Variants in ABCA12 observed in about 807,000 individuals in gnomAD.
The protein encoded by ABCA12 is ATP binding cassette subfamily A member 12, also known as glucosylceramide transporter ABCA12.
ABCA12 carries 156 observed loss-of-function variants against 293.5 expected under a neutral mutation model. The observed-to-expected ratio is 0.53, with a 90% CI of 0.47 to 0.61. The LOEUF (loss-of-function observed/expected upper bound fraction) is 0.61. ABCA12 is among the 20% of genes least tolerant of loss of function. ABCA12 has a pLI of 0.00. For synonymous variants in ABCA12, 1,063 were observed against 1,108.0 expected, an observed-to-expected ratio of 0.96 and a Z score of 0.81; for missense variants, 2,797 against 3,090.2, an observed-to-expected ratio of 0.91 and a Z score of 2.25.
intron 2 of ABCA12, among the ~76,000 whole-genome samples, chr2:215,074,394 C>T (rs1390591213): frequency 2.0e-5 from 3 of 152,178 alleles, no homozygotes; most frequent in Non-Finnish European, 4.4e-5. Context: ...CTATCTCAGA[C>T]ATTGCCTGAA....
At chr2:215,000,584 G>T in intron 22 of ABCA12, 121 bp downstream of exon 22, 1 of 1,121,190 alleles carries the variant, frequency 8.9e-7, no homozygotes, top group Non-Finnish European at 1.3e-6. Context: ...CTCAAAACAA[G>T]CATATTACAA....
intron 1 of ABCA12, among the ~76,000 whole-genome samples, chr2:215,117,574 A>G (rs927664055): frequency 6.6e-6 from 1 of 152,228 alleles, no homozygotes; most frequent in Non-Finnish European, 1.5e-5. Context: ...GTTCTAAAAA[A>G]TTTGGGCAAA....
At chr2:215,122,216 C>A (rs1702820676) in intron 1 of ABCA12, among the ~76,000 whole-genome samples, 1 of 152,156 alleles carries the variant, frequency 6.6e-6, no homozygotes, top group African/African-American at 2.4e-5. Flanking sequence ...TGACTACATT[C>A]ATAAAATTTG....
chr2:214,984,868 C>T (rs1699753685), intron 28 of ABCA12, among the ~76,000 whole-genome samples: 1 of 152,186 alleles, frequency 6.6e-6, no homozygotes, highest in Non-Finnish European at 1.5e-5. Context: ...CTTTGGTCAT[C>T]TCTAGTCCTT....
chr2:215,121,569 C>A (rs1420290229), intron 1 of ABCA12, among the ~76,000 whole-genome samples: 1 of 152,070 alleles, frequency 6.6e-6, no homozygotes, highest in East Asian at 1.9e-4. Flanking sequence ...CATGAGGAAC[C>A]TTACTTTCCC....
chr2:215,045,966 C>T lies in ABCA12; in HGVS notation c.743G>A (p.Arg248Lys), dbSNP rs371738215. 4 of 1,613,608 alleles carry T rather than the reference C, an allele frequency of 2.5e-6. No homozygotes were observed. The highest frequency in any genetic ancestry group is 3.4e-6 in the Non-Finnish European group (4 of 1,179,800). ...CACTTGTGAGAAGAAAGACAGCATT[C>T]TGACTATTTCCTGAAACACTATCTT... The part of the protein sequence containing the change: ...NQKIVFQEIV[R>K]MLSFFSQVQE... The change falls in exon 7 of 53, where the codon AGA becomes AAA. Residue 248 changes from arginine (R) to lysine (K), a missense_variant. Coordinates refer to ENST00000272895, the MANE Select transcript of ABCA12 (RefSeq NM_173076.3).
intron 41 of ABCA12, 40 bp downstream of exon 41, chr2:214,958,237 G>C (rs1371737255): frequency 6.2e-7 from 1 of 1,610,874 alleles, no homozygotes; most frequent in African/African-American, 1.3e-5. Context: ...TATCCAAATT[G>C]ATCTTTTATT....
In ABCA12 at chr2:214,975,853, G is replaced by C. The variant is rs761940772; in HGVS notation, c.5313C>G (p.Ser1771Arg). 1.2e-6 allele frequency: 2 copies of C among 1,614,134 alleles called. No homozygotes were observed. Among genetic ancestry groups the C allele is most frequent in the Non-Finnish European group, 1.7e-6 (2 of 1,179,994 alleles). The change falls in exon 34 of 53, where the codon AGC becomes AGG. Residue 1771 changes from serine to arginine, a missense_variant. Around this residue, in one of 3 missense-constraint regions of ABCA12, gnomAD observed 2,130 missense variants for 2,427.0 expected, o/e 0.88. Coordinates refer to ENST00000272895, the MANE Select transcript of ABCA12 (RefSeq NM_173076.3). ...AGATCTGAATCTCTGGATAACTGTT[G>C]CTGGAATTTCTCAGTGTGCCAAGGC... ...AMGLGTLRNS[S>R]NSYPEIQISP...
At chr2:214,965,856 A>G (rs894299976) in intron 39 of ABCA12, among the ~76,000 whole-genome samples, 1 of 152,206 alleles carries the variant, frequency 6.6e-6, no homozygotes, top group Non-Finnish European at 1.5e-5. Flanking sequence ...AGGCAGAAAT[A>G]CCATTTCACC....
chr2:214,942,411 C>T lies in ABCA12; in HGVS notation c.7436+514G>A, dbSNP rs989633213. 3.9e-5 allele frequency among the ~76,000 whole-genome samples: 6 copies of T among 152,262 alleles called. No individual in the cohort carries two copies. The East Asian group carries it at 1.2e-3, about 29-fold the overall frequency. ...AAATGCATATACACTCTGGTGTATA[C>T]AAACTATTAAATTTGATAGTAGTAT... On this transcript the variant is annotated intron_variant, in intron 50 of 52. Transcript: ENST00000272895.
At position 215,018,100 on chromosome 2, in the gene ABCA12, C is replaced by G; in HGVS notation, c.1690G>C (p.Glu564Gln). ...QLLEMFKNVE[E>Q]LKEDLRRTTG... ...GTTCTCCTTAAATCTTCTTTCAGCT[C>G]TTCAACATTTTTAAACATTTCTAGT... Residue 564 changes from glutamate to glutamine, a missense_variant, in exon 14 of 53, where the codon GAG becomes CAG. Transcript: ENST00000272895. 1.2e-6 allele frequency: 2 copies of G among 1,613,832 alleles called. No individual in the cohort carries two copies. Among genetic ancestry groups the G allele is most frequent in the Non-Finnish European group, 1.7e-6 (2 of 1,179,968 alleles).
intron 20 of ABCA12, among the ~76,000 whole-genome samples, chr2:215,002,030 A>G (rs1700157399): frequency 6.6e-6 from 1 of 152,210 alleles, no homozygotes; most frequent in Non-Finnish European, 1.5e-5. Flanking sequence ...TAAGATGAAT[A>G]AATTTTTAAA....
At chr2:215,135,211 G>A (rs149302208) in intron 1 of ABCA12, among the ~76,000 whole-genome samples, 2 of 152,064 alleles carry the variant, frequency 1.3e-5, no homozygotes, top group East Asian at 1.9e-4. Flanking sequence ...CACCTGATTC[G>A]GCCTCCCAAA....
intron 2 of ABCA12, among the ~76,000 whole-genome samples, chr2:215,086,633 C>A (rs1702043898): frequency 6.6e-6 from 1 of 152,168 alleles, no homozygotes; most frequent in Non-Finnish European, 1.5e-5. Flanking sequence ...TCCCATCACT[C>A]ACCGTATGAT....
At chr2:215,068,118 T>C (rs1332438293) in intron 2 of ABCA12, among the ~76,000 whole-genome samples, 1 of 152,166 alleles carries the variant, frequency 6.6e-6, no homozygotes, top group Non-Finnish European at 1.5e-5. Flanking sequence ...GTTCTCCAAG[T>C]TTGATCCTTG....
intron 9 of ABCA12, among the ~76,000 whole-genome samples, chr2:215,031,598 G>A (rs1161132527): frequency 6.6e-6 from 1 of 152,152 alleles, no homozygotes; most frequent in Non-Finnish European, 1.5e-5. Context: ...GCTCAGAACT[G>A]AAAAAGAGAT....
At chr2:215,120,540 C>T (rs1253383062) in intron 1 of ABCA12, among the ~76,000 whole-genome samples, 3 of 151,898 alleles carry the variant, frequency 2.0e-5, no homozygotes, top group Non-Finnish European at 2.9e-5. Flanking sequence ...TTGGATGGAG[C>T]GTAAGAAAGA....
At chr2:215,072,387 T>C (rs950883276) in intron 2 of ABCA12, among the ~76,000 whole-genome samples, 8 of 152,206 alleles carry the variant, frequency 5.3e-5, no homozygotes, top group African/African-American at 1.4e-4. Flanking sequence ...GATCTCTGCC[T>C]TCTTTATATT....
At chr2:215,119,613 TGTGA>T (rs979046451) in intron 1 of ABCA12, among the ~76,000 whole-genome samples, 3 of 152,036 alleles carry the variant, frequency 2.0e-5, no homozygotes, top group South Asian at 4.1e-4. Context: ...ATCAGTTGGT[TGTGA>T]GTATGTCGCT....
Sources: gnomAD v4.1 joint callset for allele counts (sites outside exome capture counted in the v4.1 genomes callset) on GRCh38, gnomAD v4.1.1 for gene constraint, gnomAD v4.1.1 regional missense constraint, MANE v1.5 for transcripts, NCBI Gene and HGNC (gene_info 2026-07-23, HGNC 2026-07-21) for gene names.